Variants in LINGO2 observed in about 807,000 individuals in gnomAD.
LINGO2 encodes the protein leucine-rich repeat and immunoglobulin-like domain-containing nogo receptor-interacting protein 2.
LINGO2 carries 14 observed loss-of-function variants against 30.6 expected under a neutral mutation model. The ratio of observed to expected loss-of-function variants is 0.46; its 90% CI spans 0.30 to 0.72. LINGO2 has a LOEUF of 0.72. Ranked by LOEUF, LINGO2 falls within the 30% of genes least tolerant of loss-of-function variation. The probability of loss-of-function intolerance (pLI) is 0.07; values close to 1 mark genes in which losing one functional copy is unlikely to be tolerated. For synonymous variants in LINGO2, 317 were observed against 288.5 expected, an observed-to-expected ratio of 1.10 and a Z score of -1.00; for missense variants, 729 against 751.7, an observed-to-expected ratio of 0.97 and a Z score of 0.35.
At chr9:29,006,856 C>T in the LINGO2 span, among the ~76,000 whole-genome samples, 1 of 152,028 alleles carries the variant, frequency 6.6e-6, no homozygotes, top group Non-Finnish European at 1.5e-5. Context: ...CAGATGCTCT[C>T]CAAGGTCCTT....
intron 4 of LINGO2, among the ~76,000 whole-genome samples, chr9:28,089,984 G>T (rs1826028884): frequency 6.6e-6 from 1 of 152,060 alleles, no homozygotes; most frequent in Admixed American, 6.6e-5. Flanking sequence ...TAAATTCCTG[G>T]ACATATACAC....
At chr9:28,948,389 A>C in the LINGO2 span, among the ~76,000 whole-genome samples, 1 of 152,130 alleles carries the variant, frequency 6.6e-6, no homozygotes, top group African/African-American at 2.4e-5. Flanking sequence ...ATTACTCTGT[A>C]CCTATATATT....
the LINGO2 span, among the ~76,000 whole-genome samples, chr9:28,696,309 T>C: frequency 3.9e-5 from 6 of 151,988 alleles, no homozygotes; most frequent in East Asian, 1.2e-3. Flanking sequence ...TGTAGCAATC[T>C]GTAGCACGAG....
intron 4 of LINGO2, among the ~76,000 whole-genome samples, chr9:28,056,088 T>C (rs540238830): frequency 3.3e-5 from 5 of 152,276 alleles, no homozygotes; most frequent in African/African-American, 4.8e-5. Flanking sequence ...AGCTCCCCGC[T>C]TTCAGTGAGC....
At chr9:28,673,107 A>G (rs1829084721), upstream of LINGO2, among the ~76,000 whole-genome samples, 1 of 152,148 alleles carries the variant, frequency 6.6e-6, no homozygotes, top group African/African-American at 2.4e-5. Flanking sequence ...TATTTTTTAA[A>G]GGGGAGTTTA....
At chr9:28,869,130 C>T in the LINGO2 span, among the ~76,000 whole-genome samples, 1 of 151,990 alleles carries the variant, frequency 6.6e-6, no homozygotes, top group Non-Finnish European at 1.5e-5. Context: ...TGATAAACAT[C>T]TAATTATCCA....
chr9:28,098,428 ATTTC>A (rs1826313043), intron 4 of LINGO2, among the ~76,000 whole-genome samples: 1 of 152,270 alleles, frequency 6.6e-6, no homozygotes, highest in South Asian at 2.1e-4. Context: ...AACATGTCAT[ATTTC>A]TTTGTCACTG....
intron 1 of LINGO2, among the ~76,000 whole-genome samples, chr9:28,599,877 A>G (rs1825388591): frequency 6.6e-6 from 1 of 152,180 alleles, no homozygotes; most frequent in South Asian, 2.1e-4. Flanking sequence ...CTGTTAGGCA[A>G]GGAAACAAGA....
intron 1 of LINGO2, among the ~76,000 whole-genome samples, chr9:28,571,942 G>A (rs550987762): frequency 6.6e-6 from 1 of 152,102 alleles, no homozygotes; most frequent in South Asian, 2.1e-4. Context: ...CTTTGGGCAG[G>A]AAACTATAAG....
At chr9:28,487,117 C>T (rs1419050110) in intron 1 of LINGO2, among the ~76,000 whole-genome samples, 2 of 152,116 alleles carry the variant, frequency 1.3e-5, no homozygotes, top group East Asian at 3.9e-4. Context: ...TACAGTTCCT[C>T]ACTAATCTAA....
chr9:28,298,984 T>G (rs1485261242), intron 3 of LINGO2, among the ~76,000 whole-genome samples: 4 of 152,248 alleles, frequency 2.6e-5, no homozygotes, highest in Non-Finnish European at 5.9e-5. Flanking sequence ...TCTTTCCTTA[T>G]GCACAACACT....
chr9:27,991,573 A>C (rs752290980), intron 5 of LINGO2, among the ~76,000 whole-genome samples: 4 of 152,006 alleles, frequency 2.6e-5, no homozygotes, highest in African/African-American at 9.7e-5. Flanking sequence ...GTTGCCCCCA[A>C]AAAGGATATA....
chr9:28,352,256 T>C (rs1390921979), intron 3 of LINGO2, among the ~76,000 whole-genome samples: 150 of 150,326 alleles, frequency 1.0e-3, no homozygotes, highest in African/African-American at 3.4e-3. Context: ...AAAACCCCAT[T>C]GTCTCAGCCC....
intron 3 of LINGO2, among the ~76,000 whole-genome samples, chr9:28,364,726 A>G (rs1325476301): frequency 1.3e-5 from 2 of 152,230 alleles, no homozygotes; most frequent in East Asian, 3.8e-4. Flanking sequence ...ATTCAACAAG[A>G]AAAGAGTCTA....
At chr9:28,689,160 A>G in the LINGO2 span, among the ~76,000 whole-genome samples, 5 of 152,194 alleles carry the variant, frequency 3.3e-5, no homozygotes, top group African/African-American at 1.2e-4. Flanking sequence ...AGGGAAGTTC[A>G]CATGTCAAAG....
At chr9:28,660,697 T>C (rs534363478) in intron 1 of LINGO2, among the ~76,000 whole-genome samples, 1 of 152,200 alleles carries the variant, frequency 6.6e-6, no homozygotes, top group African/African-American at 2.4e-5. Flanking sequence ...TTTTTTTCCT[T>C]ACACTAGATT....
intron 4 of LINGO2, among the ~76,000 whole-genome samples, chr9:28,179,289 C>G (rs888723402): frequency 6.9e-6 from 1 of 143,940 alleles, no homozygotes; most frequent in African/African-American, 2.5e-5. Flanking sequence ...TATATATATA[C>G]CATATATAGT....
chr9:28,451,967 CT>C (rs1417454752), intron 2 of LINGO2, among the ~76,000 whole-genome samples: 2 of 151,550 alleles, frequency 1.3e-5, no homozygotes, highest in Non-Finnish European at 3.0e-5. Context: ...TTAAAATATA[CT>C]GCAATAGAAT....
the LINGO2 span, among the ~76,000 whole-genome samples, chr9:29,172,538 G>A: frequency 6.6e-6 from 1 of 151,328 alleles, no homozygotes; most frequent in Admixed American, 6.6e-5. Context: ...TTTAAATTTC[G>A]GTCACTTATA....
Sources: allele counts gnomAD v4.1 joint callset (sites outside exome capture counted in the v4.1 genomes callset), GRCh38; gene constraint gnomAD v4.1.1; transcripts MANE v1.5; gene names NCBI Gene and HGNC (gene_info 2026-07-23, HGNC 2026-07-21).